The following CPQ variants were observed in gnomAD, a reference collection of about 807,000 sequenced individuals.
CPQ encodes carboxypeptidase Q.
A neutral mutation model predicts 45.7 loss-of-function variants in CPQ; 37 were observed. That is an observed-to-expected ratio of 0.81 (90% CI 0.62 to 1.07). The LOEUF (loss-of-function observed/expected upper bound fraction) is 1.07. Among genes scored for constraint, CPQ ranks in the 50% least tolerant of loss-of-function variants. CPQ has a pLI of 0.00. For missense variants in CPQ, 537 were observed against 572.9 expected (o/e 0.94, Z 0.64); for synonymous variants, 186 against 205.8 (o/e 0.90, Z 0.82).
intron 7 of CPQ, among the ~76,000 whole-genome samples, chr8:97,119,136 C>G (rs1187434117): frequency 6.6e-6 from 1 of 151,986 alleles, no homozygotes; most frequent in African/African-American, 2.4e-5. Context: ...AAAGACCAGC[C>G]TGGCCAACAT....
intron 7 of CPQ, among the ~76,000 whole-genome samples, chr8:97,130,431 T>TG (rs899292128): frequency 6.6e-6 from 1 of 151,100 alleles, no homozygotes; most frequent in African/African-American, 2.4e-5. Flanking sequence ...TTTTTTTTTT[T>TG]TTTTTTTTTT....
At chr8:96,786,092 A>G (rs1437994765) in intron 2 of CPQ, among the ~76,000 whole-genome samples, 2 of 152,180 alleles carry the variant, frequency 1.3e-5, no homozygotes, top group Admixed American at 6.5e-5. Context: ...TAATATATTC[A>G]CAGAGTTGTG....
intron 1 of CPQ, among the ~76,000 whole-genome samples, chr8:96,677,565 T>C (rs2130725845): frequency 6.6e-6 from 1 of 152,274 alleles, no homozygotes; most frequent in African/African-American, 2.4e-5. Context: ...AGATTCTGTA[T>C]ATTAGTCCTT....
chr8:96,647,217 T>C (rs542242570), intron 1 of CPQ, among the ~76,000 whole-genome samples: 1 of 152,320 alleles, frequency 6.6e-6, no homozygotes, highest in East Asian at 1.9e-4. Context: ...TCCAAATGTG[T>C]TAAGTAAAAT....
At chr8:96,893,398 G>A (rs184562801) in intron 4 of CPQ, among the ~76,000 whole-genome samples, 15 of 152,308 alleles carry the variant, frequency 9.8e-5, no homozygotes, top group East Asian at 9.6e-4. Flanking sequence ...GTCCTTGCCC[G>A]TGGCTGGTGA....
intron 5 of CPQ, among the ~76,000 whole-genome samples, chr8:96,994,001 G>A (rs1307876053): frequency 1.3e-5 from 2 of 152,054 alleles, no homozygotes; most frequent in African/African-American, 2.4e-5. Flanking sequence ...AATATCCCAG[G>A]GCCTAACTGG....
chr8:96,932,456 A>G (rs1006957530), intron 4 of CPQ, among the ~76,000 whole-genome samples: 2 of 152,176 alleles, frequency 1.3e-5, no homozygotes, highest in Non-Finnish European at 2.9e-5. Flanking sequence ...TTAAAGACTC[A>G]TCCACATTGA....
At chr8:96,646,810 A>T (rs1032200936) in intron 1 of CPQ, among the ~76,000 whole-genome samples, 1 of 151,976 alleles carries the variant, frequency 6.6e-6, no homozygotes, top group African/African-American at 2.4e-5. Context: ...TGCTTACTTC[A>T]CCTCCCATAG....
intron 2 of CPQ, among the ~76,000 whole-genome samples, chr8:96,814,418 C>T (rs1337843176): frequency 6.6e-6 from 1 of 152,134 alleles, no homozygotes; most frequent in African/African-American, 2.4e-5. Flanking sequence ...TGAAGGGACT[C>T]TGGATGGATG....
At chr8:96,746,687 A>G (rs1287103037) in intron 1 of CPQ, among the ~76,000 whole-genome samples, 1 of 152,220 alleles carries the variant, frequency 6.6e-6, no homozygotes, top group Non-Finnish European at 1.5e-5. Context: ...GTTGAAGTAT[A>G]TGAAGAAGGA....
intron 4 of CPQ, among the ~76,000 whole-genome samples, chr8:96,945,458 GA>G (rs1813177535): frequency 6.6e-6 from 1 of 152,074 alleles, no homozygotes; most frequent in African/African-American, 2.4e-5. Flanking sequence ...GATCTTAGCT[GA>G]TATCTTTAAG....
chr8:96,787,893 G>T (rs1408406014), intron 2 of CPQ, among the ~76,000 whole-genome samples: 1 of 35,872 alleles, frequency 2.8e-5, no homozygotes, highest in African/African-American at 5.5e-5. Context: ...TAAGGATGGG[G>T]TCTAAATCAC....
intron 3 of CPQ, among the ~76,000 whole-genome samples, chr8:96,861,723 C>T (rs1005382235): frequency 2.6e-5 from 4 of 152,054 alleles, no homozygotes; most frequent in Non-Finnish European, 1.5e-5. Context: ...TATCTGGTAC[C>T]CACAGGGATC....
intron 7 of CPQ, among the ~76,000 whole-genome samples, chr8:97,122,643 T>G (rs1414330592): frequency 6.6e-6 from 1 of 151,910 alleles, no homozygotes; most frequent in Non-Finnish European, 1.5e-5. Context: ...CCCAGCACTT[T>G]GGGAGGCCAA....
Position 96,968,625 on chromosome 8 carries a change from T to C in CPQ, c.961+2579T>C, listed in dbSNP as rs564179099. Among the ~76,000 whole-genome samples the C allele has an allele frequency of 7.2e-5, 11 of 152,370 alleles. No homozygotes were observed. The East Asian group carries it at 2.1e-3, about 29-fold the overall frequency. On this transcript the variant is annotated intron_variant, in intron 5 of 7. Transcript: ENST00000220763. ...GAAAAATGAGACTCCTTTTGGATGC[T>C]ATTCCTTGGATGATGTGTCATGCAG...
At chr8:96,685,441 G>A (rs2464492) in intron 1 of CPQ, among the ~76,000 whole-genome samples, 106,447 of 151,338 alleles carry the variant, frequency 0.7, 37,841 homozygotes, top group Middle Eastern at 0.82. Flanking sequence ...ATTTTTCTTC[G>A]ATTAGTTATC....
At chr8:96,786,035 A>G (rs1382364022) in intron 2 of CPQ, among the ~76,000 whole-genome samples, 2 of 152,184 alleles carry the variant, frequency 1.3e-5, no homozygotes, top group African/African-American at 2.4e-5. Context: ...TTGAGATATA[A>G]TTCACATACT....
At chr8:96,667,583 T>C (rs1378435656) in intron 1 of CPQ, among the ~76,000 whole-genome samples, 1 of 151,986 alleles carries the variant, frequency 6.6e-6, no homozygotes, top group Non-Finnish European at 1.5e-5. Flanking sequence ...ACTCCTGACC[T>C]CGTGATCTGC....
intron 1 of CPQ, among the ~76,000 whole-genome samples, chr8:96,670,319 T>TA (rs201849239): frequency 1.3e-5 from 2 of 149,678 alleles, no homozygotes; most frequent in African/African-American, 4.9e-5. Context: ...AATTTTTTTT[T>TA]TTTTTTTTTT....
Sources: gnomAD v4.1 joint callset for allele counts (sites outside exome capture counted in the v4.1 genomes callset) on GRCh38, gnomAD v4.1.1 for gene constraint, MANE v1.5 for transcripts, NCBI Gene and HGNC (gene_info 2026-07-23, HGNC 2026-07-21) for gene names.